The following SESTD1 variants were observed in gnomAD, a reference collection of about 807,000 sequenced individuals.
SESTD1 encodes SEC14 and spectrin domain containing 1.
Under a neutral mutation model 101.7 loss-of-function variants are expected in SESTD1, and 43 were observed. The observed-to-expected ratio is 0.42, with a 90% CI of 0.33 to 0.55. SESTD1 has a LOEUF of 0.55. Among genes scored for constraint, SESTD1 ranks in the 20% least tolerant of loss-of-function variants. SESTD1 has a pLI of 0.07. For missense variants in SESTD1, 647 were observed against 815.1 expected (o/e 0.79, Z 2.51); for synonymous variants, 283 against 286.8 (o/e 0.99, Z 0.13).
chr2:179,153,636 T>TA (rs759651170), intron 5 of SESTD1, among the ~76,000 whole-genome samples: 4 of 152,116 alleles, frequency 2.6e-5, no homozygotes, highest in South Asian at 2.1e-4. Flanking sequence ...CCATTTCTCA[T>TA]AAAAAAGAAT....
chr2:179,116,407 C>T (rs2044634272), intron 15 of SESTD1, among the ~76,000 whole-genome samples: 1 of 152,050 alleles, frequency 6.6e-6, no homozygotes, highest in African/African-American at 2.4e-5. Flanking sequence ...TGTGGATGAA[C>T]AGTTGGATTG....
intron 10 of SESTD1, among the ~76,000 whole-genome samples, chr2:179,131,761 CTATT>C (rs1451201085): frequency 6.6e-5 from 10 of 152,140 alleles, no homozygotes; most frequent in East Asian, 1.9e-4. Context: ...GCTTAAGAAT[CTATT>C]TATTTCCCAA....
chr2:179,213,744 T>C lies in SESTD1; in HGVS notation c.-25-21878A>G, dbSNP rs570784234. 8.6e-4 allele frequency among the ~76,000 whole-genome samples: 116 copies of C among 134,646 alleles called. 30 individuals are homozygous for C. The South Asian group carries it at 0.032, about 37-fold the overall frequency. 88.3% of individuals were successfully genotyped at this position (134,646 alleles called of 152,430 possible). ...AAGGAAAAAATGTTAAAGACAACCA[T>C]AGAGAAAGGTTGGGTTACCCACAAA... is the stretch of plus-strand genomic sequence containing the variant. On this transcript the variant is annotated intron_variant, in intron 1 of 17. Coordinates refer to ENST00000428443, the MANE Select transcript of SESTD1 (RefSeq NM_178123.5).
Position 179,191,802 on chromosome 2 carries a change from G to GT in SESTD1, c.39dup (p.Leu14ThrfsTer29). Reference sequence around the variant, plus strand: ...GAAATCATACCTGAAAGGAAGGCTAGTTTTTTCTTCAGAATGGGTAATATT... The same window carrying GT: ...GAAATCATACCTGAAAGGAAGGCTAGTTTTTTTCTTCAGAATGGGTAATATT... On this transcript the variant is annotated frameshift_variant, in exon 2 of 18. Transcript: ENST00000428443. LOFTEE classifies it high-confidence loss of function. 6.2e-7 allele frequency: 1 copy of GT among 1,612,732 alleles called. No individual in the cohort carries two copies. The highest frequency in any genetic ancestry group is 8.5e-7 in the Non-Finnish European group (1 of 1,179,256).
At chr2:179,246,099 AC>A (rs1190673832) in intron 1 of SESTD1, among the ~76,000 whole-genome samples, 1 of 152,090 alleles carries the variant, frequency 6.6e-6, no homozygotes, top group African/African-American at 2.4e-5. Flanking sequence ...TACTAAAAAC[AC>A]AAAAATTAGC....
chr2:179,247,819 A>C (rs1362774675), intron 1 of SESTD1, among the ~76,000 whole-genome samples: 1 of 152,068 alleles, frequency 6.6e-6, no homozygotes, highest in Admixed American at 6.6e-5. Context: ...ATACAGGAAT[A>C]AACAGAAATT....
At chr2:179,167,125 A>ATACTGATGC (rs2045848963) in intron 5 of SESTD1, among the ~76,000 whole-genome samples, 1 of 152,238 alleles carries the variant, frequency 6.6e-6, no homozygotes, top group African/African-American at 2.4e-5. Flanking sequence ...GAAATTTAAG[A>ATACTGATGC]TACTGATGCT....
At chr2:179,257,220 G>GA (rs368736519) in intron 1 of SESTD1, among the ~76,000 whole-genome samples, 9 of 148,434 alleles carry the variant, frequency 6.1e-5, no homozygotes, top group South Asian at 2.1e-4. Context: ...CTGCCCTTAT[G>GA]AAAAAAAAAG....
intron 9 of SESTD1, among the ~76,000 whole-genome samples, chr2:179,138,714 C>G (rs985891987): frequency 4.0e-5 from 6 of 151,452 alleles, no homozygotes; most frequent in Admixed American, 1.3e-4. Context: ...AAAATACACG[C>G]CAAAAAAACA....
intron 5 of SESTD1, among the ~76,000 whole-genome samples, chr2:179,153,504 T>G (rs573375414): frequency 2.0e-5 from 3 of 152,168 alleles, no homozygotes; most frequent in Non-Finnish European, 1.5e-5. Context: ...TCTCTCGCTC[T>G]CTCTCTCACA....
intron 5 of SESTD1, among the ~76,000 whole-genome samples, chr2:179,169,600 G>C (rs1455281356): frequency 6.6e-6 from 1 of 152,076 alleles, no homozygotes. Flanking sequence ...GACAGTTACA[G>C]AACACTCCAT....
At chr2:179,176,286 G>C (rs1361103090) in intron 4 of SESTD1, among the ~76,000 whole-genome samples, 162 bp downstream of exon 4, 1 of 152,094 alleles carries the variant, frequency 6.6e-6, no homozygotes, top group Non-Finnish European at 1.5e-5. Flanking sequence ...CAAACCTAAG[G>C]AGTTGAATTT....
At position 179,200,953 on chromosome 2, in the gene SESTD1, A is replaced by G. The variant is rs1386564265; in HGVS notation, c.-25-9087T>C. Reference sequence around the variant, plus strand: ...TAATTAAACTCAAGAGCTTCTGCACAGCAAAAGAAACTACCATCAGAGTGA... The same window carrying G: ...TAATTAAACTCAAGAGCTTCTGCACGGCAAAAGAAACTACCATCAGAGTGA... On this transcript the variant is annotated intron_variant, in intron 1 of 17. Transcript: ENST00000428443. Among the ~76,000 whole-genome samples the G allele has an allele frequency of 1.5e-5, 2 of 134,472 alleles. 1 individual carries two copies. Among genetic ancestry groups the G allele is most frequent in the South Asian group, 5.7e-4 (2 of 3,532 alleles). 88.2% of individuals were successfully genotyped at this position (134,472 alleles called of 152,430 possible).
intron 1 of SESTD1, among the ~76,000 whole-genome samples, chr2:179,228,316 C>A (rs574495316): frequency 6.6e-6 from 1 of 152,236 alleles, no homozygotes; most frequent in African/African-American, 2.4e-5. Flanking sequence ...TACCTCTTAC[C>A]TCGATTACAC....
At chr2:179,183,945 T>C (rs1221098653) in intron 2 of SESTD1, among the ~76,000 whole-genome samples, 1 of 151,862 alleles carries the variant, frequency 6.6e-6, no homozygotes, top group Non-Finnish European at 1.5e-5. Context: ...GTAGAATTTG[T>C]AAACCAAGTC....
chr2:179,128,747 G>GA (rs1016074033), intron 10 of SESTD1, among the ~76,000 whole-genome samples: 246 of 129,658 alleles, frequency 1.9e-3, no homozygotes, highest in East Asian at 4.7e-3. Flanking sequence ...AAAAAGAAAA[G>GA]AAAAAAAAAA....
chr2:179,176,358 A>G (rs1038487378), intron 4 of SESTD1, 90 bp downstream of exon 4: 1 of 926,356 alleles, frequency 1.1e-6, no homozygotes, highest in Non-Finnish European at 1.7e-6. Flanking sequence ...AGCCAGGCAC[A>G]GTCCAATAAA....
intron 10 of SESTD1, 91 bp downstream of exon 10, chr2:179,132,212 GT>G: frequency 1.1e-5 from 15 of 1,405,170 alleles, no homozygotes; most frequent in Non-Finnish European, 1.3e-5. Flanking sequence ...CCATACCAAA[GT>G]TTGCAGCAAC....
At chr2:179,114,430 T>A (rs1458097741) in intron 16 of SESTD1, among the ~76,000 whole-genome samples, 1 of 152,180 alleles carries the variant, frequency 6.6e-6, no homozygotes, top group Non-Finnish European at 1.5e-5. Flanking sequence ...AAGTTCCTTT[T>A]CAGAATGGAT....
Sources: allele counts gnomAD v4.1 joint callset (sites outside exome capture counted in the v4.1 genomes callset), GRCh38; gene constraint gnomAD v4.1.1; transcripts MANE v1.5; gene names NCBI Gene and HGNC (gene_info 2026-07-23, HGNC 2026-07-21).